The following TMTC2 variants were observed in gnomAD, a reference collection of about 807,000 sequenced individuals.
The protein encoded by TMTC2 is transmembrane O-mannosyltransferase targeting cadherins 2, also known as protein O-mannosyl-transferase TMTC2.
TMTC2 carries 43 observed loss-of-function variants against 82.4 expected under a neutral mutation model. The ratio of observed to expected loss-of-function variants is 0.52; its 90% CI spans 0.41 to 0.67. The LOEUF (loss-of-function observed/expected upper bound fraction) is 0.67, where lower values mean the gene tolerates loss of function less well. TMTC2 is among the 30% of genes least tolerant of loss of function. The pLI is 0.00. For synonymous variants in TMTC2, 408 were observed against 381.9 expected (o/e 1.07, Z -0.80); for missense variants, 919 against 1,012.4 (o/e 0.91, Z 1.25).
chr12:82,732,565 G>A (rs985889402), intron 1 of TMTC2, among the ~76,000 whole-genome samples: 4 of 152,010 alleles, frequency 2.6e-5, no homozygotes, highest in Admixed American at 6.6e-5. Flanking sequence ...GGATGGTCTC[G>A]ATCTCCTGAC....
At chr12:83,066,360 C>G (rs1366339867) in intron 11 of TMTC2, among the ~76,000 whole-genome samples, 1 of 151,672 alleles carries the variant, frequency 6.6e-6, no homozygotes, top group African/African-American at 2.4e-5. Flanking sequence ...GCAGGGAGAA[C>G]TATACACATG....
chr12:82,868,172 T>C (rs931068510), intron 2 of TMTC2, among the ~76,000 whole-genome samples: 15 of 152,346 alleles, frequency 9.8e-5, no homozygotes, highest in African/African-American at 1.4e-4. Flanking sequence ...GTCAGCATTC[T>C]ATGGCATTTT....
chr12:82,926,628 A>G (rs1456246481), intron 3 of TMTC2, among the ~76,000 whole-genome samples: 1 of 152,238 alleles, frequency 6.6e-6, no homozygotes, highest in East Asian at 1.9e-4. Context: ...AGAAGATACC[A>G]TATAAGACTT....
intron 9 of TMTC2, among the ~76,000 whole-genome samples, chr12:83,043,133 G>T (rs1333113640): frequency 6.6e-6 from 1 of 152,202 alleles, no homozygotes; most frequent in Admixed American, 6.5e-5. Flanking sequence ...TATTTGAAAT[G>T]CCATGGTGAC....
chr12:82,956,124 A>G (rs1877599750), intron 4 of TMTC2, among the ~76,000 whole-genome samples: 1 of 152,144 alleles, frequency 6.6e-6, no homozygotes, highest in African/African-American at 2.4e-5. Context: ...GCTACCAAAA[A>G]CACACTTAAG....
intron 1 of TMTC2, among the ~76,000 whole-genome samples, chr12:82,852,101 C>CTTT (rs11301265): frequency 6.6e-5 from 9 of 137,156 alleles, no homozygotes; most frequent in Non-Finnish European, 1.6e-5. Context: ...CAGAAACTAT[C>CTTT]TTTTTTTTTT....
At chr12:83,045,707 T>TCTCACACACACACACACACACACACACA (rs1555208196) in intron 9 of TMTC2, among the ~76,000 whole-genome samples, 1 of 122,706 alleles carries the variant, frequency 8.1e-6, no homozygotes, top group Non-Finnish European at 1.7e-5. Context: ...AAGGGCTCCT[T>TCTCACACACACACACACACACACACACA]CACACACACA....
At chr12:82,862,296 C>T (rs904375057) in intron 2 of TMTC2, among the ~76,000 whole-genome samples, 2 of 152,252 alleles carry the variant, frequency 1.3e-5, no homozygotes, top group African/African-American at 4.8e-5. Context: ...TCTTGCCCAA[C>T]GTCAGTCATT....
chr12:83,046,103 G>A (rs1434553293), intron 9 of TMTC2, among the ~76,000 whole-genome samples: 1 of 151,870 alleles, frequency 6.6e-6, no homozygotes, highest in African/African-American at 2.4e-5. Flanking sequence ...AACATGCCTC[G>A]GTATCTCCTT....
chr12:83,039,023 C>A (rs1475246081), intron 9 of TMTC2, among the ~76,000 whole-genome samples: 2 of 151,510 alleles, frequency 1.3e-5, no homozygotes, highest in Non-Finnish European at 2.9e-5. Context: ...CCTCTGCCCC[C>A]CGGGTTCAAG....
At chr12:82,954,383 T>C (rs1413027243) in intron 4 of TMTC2, among the ~76,000 whole-genome samples, 1 of 152,172 alleles carries the variant, frequency 6.6e-6, no homozygotes, top group African/African-American at 2.4e-5. Context: ...CTCTACACAG[T>C]ATTGTGATTG....
At chr12:83,122,976 T>C (rs980966480) in intron 11 of TMTC2, among the ~76,000 whole-genome samples, 1 of 152,212 alleles carries the variant, frequency 6.6e-6, no homozygotes, top group African/African-American at 2.4e-5. Flanking sequence ...TCCGGGGTAA[T>C]ATTCTTAAGT....
intron 2 of TMTC2, among the ~76,000 whole-genome samples, chr12:82,887,744 T>G (rs1354571295): frequency 6.6e-6 from 1 of 152,220 alleles, no homozygotes; most frequent in Non-Finnish European, 1.5e-5. Flanking sequence ...TCCTTTTTTA[T>G]GTTAAATAAC....
intron 3 of TMTC2, among the ~76,000 whole-genome samples, chr12:82,923,212 T>G (rs1875496632): frequency 6.6e-6 from 1 of 152,210 alleles, no homozygotes; most frequent in Non-Finnish European, 1.5e-5. Flanking sequence ...TATCTTGTTG[T>G]TATAATTTTC....
intron 8 of TMTC2, among the ~76,000 whole-genome samples, chr12:82,999,109 G>A (rs943754049): frequency 6.6e-6 from 1 of 152,028 alleles, no homozygotes; most frequent in East Asian, 1.9e-4. Context: ...TCCTTCTGTT[G>A]TTCCAGGATC....
chr12:83,008,942 A>G (rs1880327672), intron 8 of TMTC2, among the ~76,000 whole-genome samples: 2 of 152,170 alleles, frequency 1.3e-5, no homozygotes, highest in Non-Finnish European at 2.9e-5. Flanking sequence ...GTCCACTATT[A>G]TACAGAAGGC....
intron 8 of TMTC2, among the ~76,000 whole-genome samples, chr12:83,003,726 A>T (rs79402492): frequency 6.6e-6 from 1 of 152,200 alleles, no homozygotes; most frequent in East Asian, 1.9e-4. Flanking sequence ...TTCTTTAAGG[A>T]TGCTGAAAAT....
chr12:82,997,469 A>G (rs972656307), intron 8 of TMTC2, among the ~76,000 whole-genome samples: 3 of 138,828 alleles, frequency 2.2e-5, no homozygotes, highest in African/African-American at 7.8e-5. Context: ...ATATATAGTT[A>G]TGTATGTCTG....
At chr12:82,842,610 T>G (rs1870401946) in intron 1 of TMTC2, among the ~76,000 whole-genome samples, 1 of 152,210 alleles carries the variant, frequency 6.6e-6, no homozygotes, top group Non-Finnish European at 1.5e-5. Context: ...ATTATTTTTC[T>G]AGGGCTGCCG....
Sources: gnomAD v4.1 joint callset for allele counts (sites outside exome capture counted in the v4.1 genomes callset) on GRCh38, gnomAD v4.1.1 for gene constraint, MANE v1.5 for transcripts, NCBI Gene and HGNC (gene_info 2026-07-23, HGNC 2026-07-21) for gene names.